Variants in AIMP1 observed in about 807,000 individuals in gnomAD.
AIMP1 encodes aminoacyl tRNA synthetase complex interacting multifunctional protein 1.
AIMP1 carries 24 observed loss-of-function variants against 33.1 expected under a neutral mutation model. That is an observed-to-expected ratio of 0.73 (90% confidence interval 0.53 to 1.02). The LOEUF (loss-of-function observed/expected upper bound fraction) is 1.02. Ranked by LOEUF, AIMP1 falls within the 50% of genes least tolerant of loss-of-function variation. The pLI is 0.00. For missense variants in AIMP1, 367 were observed against 364.8 expected (o/e 1.01, Z -0.05); for synonymous variants, 120 against 121.5 (o/e 0.99, Z 0.08).
At chr4:106,317,989 T>C (rs919426021) in intron 1 of AIMP1, among the ~76,000 whole-genome samples, 1 of 152,034 alleles carries the variant, frequency 6.6e-6, no homozygotes, top group African/African-American at 2.4e-5. Context: ...GGGAGGAAAG[T>C]TTTTGTGTTA....
chr4:106,329,772 C>CCTTTTTTTTTTTTTTTTT (rs1554000880), intron 4 of AIMP1, among the ~76,000 whole-genome samples: 1 of 53,062 alleles, frequency 1.9e-5, no homozygotes, highest in Non-Finnish European at 3.8e-5. Context: ...TGCTACATAT[C>CCTTTTTTTTTTTTTTTTT]TTTTTTTTTT....
Position 106,347,980 on chromosome 4 carries a change from A to T in AIMP1, c.*288A>T, listed in dbSNP as rs1302280496. ...AGCTTTTTTTTCTTTATACACATAG[A>T]TAACTAACTAGATTAATGTTTAGTT... On this transcript the variant is annotated 3_prime_UTR_variant, in exon 7 of 7. Coordinates refer to ENST00000672341, the MANE Select transcript of AIMP1 (RefSeq NM_001142416.2). 1 of 236,082 alleles carries T rather than the reference A, an allele frequency of 4.2e-6. No homozygotes were observed. The highest frequency in any genetic ancestry group is 8.3e-6 in the Non-Finnish European group (1 of 120,042). The allele number at this position is 236,082 out of a possible 1,614,324, so 14.6% of individuals were successfully genotyped here.
At chr4:106,345,351 A>G (rs1209198457) in intron 6 of AIMP1, among the ~76,000 whole-genome samples, 1 of 152,174 alleles carries the variant, frequency 6.6e-6, no homozygotes, top group South Asian at 2.1e-4. Context: ...GTCTCCCTGA[A>G]CAGTATCTCT....
chr4:106,316,510 C>CT (rs776084463), upstream of AIMP1: 2 of 1,550,666 alleles, frequency 1.3e-6, no homozygotes, highest in South Asian at 2.4e-5. Context: ...TCATTGGGTC[C>CT]TTTCTCACTG....
chr4:106,321,576 G>C (rs1233713353), intron 1 of AIMP1: 2 of 153,266 alleles, frequency 1.3e-5, no homozygotes, highest in Non-Finnish European at 2.8e-5. Context: ...CGTCCGGGAG[G>C]TGGGGGGCAG....
intron 6 of AIMP1, among the ~76,000 whole-genome samples, chr4:106,344,573 C>T (rs1202382110): frequency 6.6e-6 from 1 of 152,182 alleles, no homozygotes; most frequent in Non-Finnish European, 1.5e-5. Flanking sequence ...TATCATCCTG[C>T]TTTTGCCCTC....
At chr4:106,321,614 G>A (rs981196086) in intron 1 of AIMP1, 2 of 158,912 alleles carry the variant, frequency 1.3e-5, no homozygotes, top group African/African-American at 4.8e-5. Context: ...CCCCGTCTGG[G>A]AGGTGGAGGG....
chr4:106,341,594 G>T (rs1306670150), intron 6 of AIMP1, among the ~76,000 whole-genome samples: 1 of 152,022 alleles, frequency 6.6e-6, no homozygotes, highest in Non-Finnish European at 1.5e-5. Context: ...AAATCAGATG[G>T]TTGTAGGCAT....
At position 106,347,807 on chromosome 4, in the gene AIMP1, A is replaced by G; in HGVS notation, c.*115A>G. The G allele has an allele frequency of 9.1e-7, 1 of 1,093,190 alleles. No individual in the cohort carries two copies. The highest frequency in any genetic ancestry group is 2.3e-5 in the Admixed American group (1 of 43,900). 67.7% of individuals were successfully genotyped at this position (1,093,190 alleles called of 1,614,324 possible). On this transcript the variant is annotated 3_prime_UTR_variant, in exon 7 of 7. Transcript: ENST00000672341. ...TCATTTTTGCATTACTCTCTTCTAG[A>G]CTTGACTAGTCATTTACTTGGTATA...
chr4:106,321,978 C>G (rs1179486617), intron 1 of AIMP1, among the ~76,000 whole-genome samples: 1 of 131,524 alleles, frequency 7.6e-6, no homozygotes, highest in Admixed American at 7.3e-5. Context: ...GTGCTGTGTC[C>G]GCTAAGGGTT....
At chr4:106,316,783 C>T (rs949075977) in intron 1 of AIMP1, 189 bp downstream of exon 1, 21 of 532,402 alleles carry the variant, frequency 3.9e-5, no homozygotes, top group Non-Finnish European at 5.7e-5. Flanking sequence ...AAAGGAGCCA[C>T]GTTTGAGAAA....
chr4:106,342,435 T>G (rs1341400019), intron 6 of AIMP1, among the ~76,000 whole-genome samples: 1 of 152,176 alleles, frequency 6.6e-6, no homozygotes, highest in Admixed American at 6.5e-5. Context: ...CATAGATAGC[T>G]CTTATTATTT....
chr4:106,327,233 C>T (rs1769485903), intron 2 of AIMP1, among the ~76,000 whole-genome samples: 1 of 150,584 alleles, frequency 6.6e-6, no homozygotes, highest in East Asian at 1.9e-4. Flanking sequence ...TTCTGTTTTA[C>T]TCTTATTTCA....
chr4:106,337,450 G>A (rs1006715976), intron 6 of AIMP1, among the ~76,000 whole-genome samples: 9 of 152,068 alleles, frequency 5.9e-5, no homozygotes, highest in South Asian at 2.1e-4. Context: ...GTTCCCCTAC[G>A]CATGCTCTCT....
At chr4:106,333,275 G>C (rs1255746080) in intron 5 of AIMP1, among the ~76,000 whole-genome samples, 2 of 152,014 alleles carry the variant, frequency 1.3e-5, no homozygotes, top group Admixed American at 1.3e-4. Flanking sequence ...TTTCTGTCTA[G>C]GATTCCTTAC....
intron 1 of AIMP1, among the ~76,000 whole-genome samples, chr4:106,320,948 G>T (rs1025353700): frequency 6.6e-6 from 1 of 152,148 alleles, no homozygotes; most frequent in African/African-American, 2.4e-5. Context: ...GGGTTTCACC[G>T]TGTTGGCCGG....
At chr4:106,322,571 C>G (rs1240719367) in intron 1 of AIMP1, among the ~76,000 whole-genome samples, 1 of 152,214 alleles carries the variant, frequency 6.6e-6, no homozygotes, top group Non-Finnish European at 1.5e-5. Context: ...GAGCACAGTT[C>G]TGTTAACACA....
chr4:106,315,770 T>C (rs535364062), upstream of AIMP1: 1 of 152,444 alleles, frequency 6.6e-6, no homozygotes, highest in African/African-American at 2.4e-5. Flanking sequence ...AGGCGGGCTG[T>C]AGCTAGGGAT....
At chr4:106,345,691 C>T (rs1390437504) in intron 6 of AIMP1, among the ~76,000 whole-genome samples, 2 of 151,564 alleles carry the variant, frequency 1.3e-5, no homozygotes, top group Non-Finnish European at 2.9e-5. Flanking sequence ...TGTTAGAAGG[C>T]AATGTTGTAT....
Sources: gnomAD v4.1 joint callset for allele counts (sites outside exome capture counted in the v4.1 genomes callset) on GRCh38, gnomAD v4.1.1 for gene constraint, MANE v1.5 for transcripts, NCBI Gene and HGNC (gene_info 2026-07-23, HGNC 2026-07-21) for gene names.